Variants in SIPA1L1 observed in about 807,000 individuals in gnomAD.
The protein encoded by SIPA1L1 is signal-induced proliferation-associated 1-like protein 1.
In SIPA1L1, 26 loss-of-function variants were observed where a neutral mutation model predicts 162.7. The ratio of observed to expected loss-of-function variants is 0.16; its 90% CI spans 0.12 to 0.22. SIPA1L1 has a LOEUF of 0.22. Ranked by LOEUF, SIPA1L1 falls within the 10% of genes least tolerant of loss-of-function variation. SIPA1L1 has a pLI of 1.00. For missense variants in SIPA1L1, 1,874 were observed against 2,241.0 expected (o/e 0.84, Z 3.31); for synonymous variants, 829 against 837.4 (o/e 0.99, Z 0.17).
At chr14:71,681,290 C>T (rs1175546756) in intron 12 of SIPA1L1, among the ~76,000 whole-genome samples, 3 of 152,172 alleles carry the variant, frequency 2.0e-5, no homozygotes, top group African/African-American at 4.8e-5. Context: ...ACCTCTGTGA[C>T]CTCTGGGTCT....
chr14:71,457,761 A>T (rs557876704), intron 2 of SIPA1L1, among the ~76,000 whole-genome samples: 2 of 150,912 alleles, frequency 1.3e-5, no homozygotes, highest in Admixed American at 1.3e-4. Context: ...CACCCAACTA[A>T]TTTTTTGTAT....
intron 2 of SIPA1L1, among the ~76,000 whole-genome samples, chr14:71,489,631 A>G (rs2049067278): frequency 6.6e-6 from 1 of 152,082 alleles, no homozygotes; most frequent in South Asian, 2.1e-4. Context: ...TCCCTGGGCC[A>G]TACTGGAAGA....
At chr14:71,632,724 G>A (rs1306361462) in intron 7 of SIPA1L1, among the ~76,000 whole-genome samples, 1 of 152,172 alleles carries the variant, frequency 6.6e-6, no homozygotes, top group Non-Finnish European at 1.5e-5. Flanking sequence ...ACCAACCAGG[G>A]CAGTATCAGG....
At chr14:71,618,369 T>C (rs1567323794) in intron 5 of SIPA1L1, among the ~76,000 whole-genome samples, 1 of 152,186 alleles carries the variant, frequency 6.6e-6, no homozygotes, top group Admixed American at 6.5e-5. Flanking sequence ...CTGTTCTCAA[T>C]ATGTTTAGAA....
chr14:71,408,859 C>T (rs2042210217), intron 2 of SIPA1L1, among the ~76,000 whole-genome samples: 1 of 152,176 alleles, frequency 6.6e-6, no homozygotes, highest in Non-Finnish European at 1.5e-5. Context: ...TGCATCTGAG[C>T]ACTTGCTTAT....
intron 2 of SIPA1L1, among the ~76,000 whole-genome samples, chr14:71,494,185 G>A (rs2049523363): frequency 6.6e-6 from 1 of 152,160 alleles, no homozygotes; most frequent in Non-Finnish European, 1.5e-5. Context: ...GGTGACAGTG[G>A]ACGTCCTTGT....
intron 7 of SIPA1L1, 139 bp from the exon 8 acceptor site, chr14:71,650,196 C>A: frequency 2.3e-6 from 2 of 869,394 alleles, no homozygotes; most frequent in Non-Finnish European, 1.9e-6. Flanking sequence ...GGATCAAAGA[C>A]GGAAAATACA....
chr14:71,452,379 G>T (rs1445468530), intron 2 of SIPA1L1, among the ~76,000 whole-genome samples: 1 of 152,124 alleles, frequency 6.6e-6, no homozygotes, highest in African/African-American at 2.4e-5. Flanking sequence ...TAATTTTTTA[G>T]TGTAGTATTC....
At chr14:71,423,395 T>C (rs571916744) in intron 2 of SIPA1L1, among the ~76,000 whole-genome samples, 50 of 152,322 alleles carry the variant, frequency 3.3e-4, no homozygotes, top group African/African-American at 1.2e-3. Flanking sequence ...TAAGAAAACA[T>C]TGCCAAAGCC....
chr14:71,608,199 T>C (rs2037756567), intron 5 of SIPA1L1, among the ~76,000 whole-genome samples: 1 of 152,222 alleles, frequency 6.6e-6, no homozygotes, highest in South Asian at 2.1e-4. Context: ...CTAGGACTCA[T>C]GTGAACATTT....
intron 17 of SIPA1L1, among the ~76,000 whole-genome samples, chr14:71,722,263 T>A (rs1300276093): frequency 1.3e-5 from 2 of 152,212 alleles, no homozygotes; most frequent in Non-Finnish European, 2.9e-5. Flanking sequence ...CTTTTTTGTG[T>A]GGATAGTTGT....
chr14:71,669,893 C>T (rs2044352835), intron 10 of SIPA1L1, among the ~76,000 whole-genome samples: 2 of 152,042 alleles, frequency 1.3e-5, no homozygotes, highest in African/African-American at 4.8e-5. Flanking sequence ...TTCTTATTTT[C>T]ACAAGAAATA....
At chr14:71,366,661 C>G (rs541588138) in intron 2 of SIPA1L1, among the ~76,000 whole-genome samples, 2 of 152,228 alleles carry the variant, frequency 1.3e-5, no homozygotes, top group African/African-American at 2.4e-5. Flanking sequence ...TGGTATCCAT[C>G]TCCTGATCTC....
chr14:71,674,266 G>A (rs1017866613), intron 12 of SIPA1L1, among the ~76,000 whole-genome samples: 1 of 152,128 alleles, frequency 6.6e-6, no homozygotes, highest in African/African-American at 2.4e-5. Context: ...AAAGGAGAGG[G>A]AAATGGGTTT....
intron 22 of SIPA1L1, among the ~76,000 whole-genome samples, chr14:71,736,250 A>T (rs1054953032): frequency 6.6e-6 from 1 of 151,726 alleles, no homozygotes; most frequent in Non-Finnish European, 1.5e-5. Context: ...ACAAAAAATT[A>T]TCTGGGCATG....
chr14:71,565,767 G>T (rs920233070), intron 4 of SIPA1L1, among the ~76,000 whole-genome samples: 1 of 151,850 alleles, frequency 6.6e-6, no homozygotes, highest in Non-Finnish European at 1.5e-5. Flanking sequence ...GTAATTTCCT[G>T]TGTATTACTT....
intron 9 of SIPA1L1, 75 bp from the exon 10 acceptor site, chr14:71,661,235 G>A: frequency 6.8e-7 from 1 of 1,479,392 alleles, no homozygotes; most frequent in Non-Finnish European, 9.3e-7. Context: ...TTTAAATACA[G>A]CTATATAAGG....
intron 2 of SIPA1L1, among the ~76,000 whole-genome samples, chr14:71,382,211 G>A (rs979218334): frequency 6.6e-6 from 1 of 152,200 alleles, no homozygotes; most frequent in South Asian, 2.1e-4. Flanking sequence ...TGGATTAGGT[G>A]CTCTTCCCCT....
At chr14:71,705,682 C>G (rs573940061) in intron 16 of SIPA1L1, among the ~76,000 whole-genome samples, 1 of 151,906 alleles carries the variant, frequency 6.6e-6, no homozygotes, top group South Asian at 2.1e-4. Flanking sequence ...AGCGTCAGTC[C>G]TGCTCCAGCC....
Sources: allele counts gnomAD v4.1 joint callset (sites outside exome capture counted in the v4.1 genomes callset), GRCh38; gene constraint gnomAD v4.1.1; transcripts MANE v1.5; gene names NCBI Gene and HGNC (gene_info 2026-07-23, HGNC 2026-07-21).